Variants in VAT1L observed in about 807,000 individuals in gnomAD.
VAT1L encodes the protein putative NADPH-dependent quinone oxidoreductase VAT1L.
Under a neutral mutation model 44.1 loss-of-function variants are expected in VAT1L, and 34 were observed. The ratio of observed to expected loss-of-function variants is 0.77; its 90% CI spans 0.59 to 1.03. The LOEUF is 1.03. Ranked by LOEUF, VAT1L falls within the 50% of genes least tolerant of loss-of-function variation. VAT1L has a pLI of 0.00. For synonymous variants in VAT1L, 253 were observed against 202.2 expected (o/e 1.25, Z -2.13); for missense variants, 615 against 538.8 (o/e 1.14, Z -1.40).
chr16:77,962,763 G>C (rs1019764482), intron 7 of VAT1L, among the ~76,000 whole-genome samples: 1 of 151,424 alleles, frequency 6.6e-6, no homozygotes, highest in Non-Finnish European at 1.5e-5. Context: ...AAGGAAGGAA[G>C]GAAGGAAGGA....
rs1567494279 is a variant in VAT1L, at chr16:77,874,227, G to A, written c.723-2143G>A. Among the ~76,000 whole-genome samples, 3 of 152,156 alleles carry A rather than the reference G, an allele frequency of 2.0e-5. No homozygotes were observed. In the East Asian group the frequency reaches 5.8e-4, roughly 29 times the overall value. On this transcript the variant is annotated intron_variant, in intron 4 of 8. Transcript: ENST00000302536. ...TCCTGCAGGCAAGGGGAGAGGTCTT[G>A]GAGAAATGCAGTTCACTGAGATGAC...
intron 7 of VAT1L, among the ~76,000 whole-genome samples, chr16:77,905,730 G>A (rs913929748): frequency 6.6e-6 from 1 of 152,094 alleles, no homozygotes; most frequent in South Asian, 2.1e-4. Flanking sequence ...ATGACTCACT[G>A]TCTCTGACTT....
At chr16:77,945,125 C>G (rs988015735) in intron 7 of VAT1L, among the ~76,000 whole-genome samples, 6 of 152,122 alleles carry the variant, frequency 3.9e-5, no homozygotes, top group Non-Finnish European at 8.8e-5. Context: ...TCAGAACCAT[C>G]CAGAAGCTAT....
chr16:77,868,236 G>A (rs941711394), intron 4 of VAT1L, among the ~76,000 whole-genome samples: 3 of 152,198 alleles, frequency 2.0e-5, no homozygotes, highest in East Asian at 3.9e-4. Context: ...ATACTGTACT[G>A]AAAGTGAGAA....
intron 7 of VAT1L, among the ~76,000 whole-genome samples, chr16:77,889,451 C>G (rs2017241122): frequency 6.6e-6 from 1 of 152,070 alleles, no homozygotes; most frequent in African/African-American, 2.4e-5. Flanking sequence ...ATTTTTCAAC[C>G]AAGCAGCAGT....
chr16:77,887,870 C>T (rs570575362), intron 7 of VAT1L, among the ~76,000 whole-genome samples: 1 of 152,262 alleles, frequency 6.6e-6, no homozygotes, highest in African/African-American at 2.4e-5. Context: ...CCATGGCTTC[C>T]TGCTATACCT....
chr16:77,975,570 A>G (rs1461232552), intron 8 of VAT1L, among the ~76,000 whole-genome samples: 2 of 152,100 alleles, frequency 1.3e-5, no homozygotes, highest in African/African-American at 4.8e-5. Context: ...GCTGCAGGAC[A>G]CACACTGCTC....
chr16:77,957,473 T>C (rs1398190804), intron 7 of VAT1L, among the ~76,000 whole-genome samples: 1 of 152,130 alleles, frequency 6.6e-6, no homozygotes, highest in Non-Finnish European at 1.5e-5. Context: ...ACGCCTATAA[T>C]CCCAGCACTT....
At chr16:77,871,227 C>T (rs2017029109) in intron 4 of VAT1L, among the ~76,000 whole-genome samples, 1 of 152,106 alleles carries the variant, frequency 6.6e-6, no homozygotes, top group South Asian at 2.1e-4. Context: ...CCTCCCCTAC[C>T]TCCTCCCACC....
chr16:77,868,254 A>C (rs1273190651), intron 4 of VAT1L, among the ~76,000 whole-genome samples: 1 of 152,212 alleles, frequency 6.6e-6, no homozygotes, highest in East Asian at 1.9e-4. Flanking sequence ...GAAACTGAAC[A>C]GTTGTATGGG....
At chr16:77,856,668 T>TA (rs1223231647) in intron 3 of VAT1L, among the ~76,000 whole-genome samples, 2 of 152,184 alleles carry the variant, frequency 1.3e-5, no homozygotes, top group African/African-American at 4.8e-5. Flanking sequence ...GTGCTCTGAT[T>TA]AAGGAGACTC....
At chr16:77,850,635 T>C (rs2016799387) in intron 3 of VAT1L, among the ~76,000 whole-genome samples, 1 of 150,812 alleles carries the variant, frequency 6.6e-6, no homozygotes, top group Non-Finnish European at 1.5e-5. Flanking sequence ...TTTGAGTCGT[T>C]TGGTTTTTTG....
intron 7 of VAT1L, among the ~76,000 whole-genome samples, chr16:77,970,611 C>T (rs1383887676): frequency 6.6e-6 from 1 of 152,150 alleles, no homozygotes; most frequent in Non-Finnish European, 1.5e-5. Flanking sequence ...TAATCATCCC[C>T]TTATCTCTGG....
intron 1 of VAT1L, among the ~76,000 whole-genome samples, chr16:77,808,025 G>A (rs1254379420): frequency 6.6e-6 from 1 of 151,974 alleles, no homozygotes; most frequent in African/African-American, 2.4e-5. Context: ...CTCCAGAACA[G>A]GGCTCCCTGG....
chr16:77,853,467 C>T (rs887566337), intron 3 of VAT1L, among the ~76,000 whole-genome samples: 2 of 152,210 alleles, frequency 1.3e-5, no homozygotes, highest in Non-Finnish European at 2.9e-5. Flanking sequence ...AGTCAGGCCA[C>T]ATCCAGGTTT....
chr16:77,932,355 T>C (rs888987590), intron 7 of VAT1L, among the ~76,000 whole-genome samples: 1 of 152,098 alleles, frequency 6.6e-6, no homozygotes, highest in Admixed American at 6.6e-5. Context: ...TCCTCCCGCC[T>C]TGGCCTCCAA....
In VAT1L at chr16:77,881,053, G is replaced by T. The variant is rs1419338608; in HGVS notation, c.882+1829G>T. Among the ~76,000 whole-genome samples, 12 of 152,322 alleles carry T rather than the reference G, an allele frequency of 7.9e-5. No individual in the cohort carries two copies. In the South Asian group the frequency reaches 2.5e-3, roughly 32 times the overall value. Reference sequence around the variant, plus strand: ...TTGCTATTGTGAATAGAATGGCAATGAACATACGGGTGCATGTGTCCTTTT... The same window carrying T: ...TTGCTATTGTGAATAGAATGGCAATTAACATACGGGTGCATGTGTCCTTTT... On this transcript the variant is annotated intron_variant, in intron 6 of 8. Coordinates refer to ENST00000302536, the MANE Select transcript of VAT1L (RefSeq NM_020927.3).
At position 77,977,956 on chromosome 16, in the gene VAT1L, T is replaced by G. The variant is rs2018359327; in HGVS notation, c.*261T>G. ...TCAAAACCATCCATCTGTGGGTTCT[T>G]CTTGACAGTTCTAGAACAGCCTTGC... is the stretch of plus-strand genomic sequence containing the variant. On this transcript the variant is annotated 3_prime_UTR_variant, in exon 9 of 9. Coordinates refer to ENST00000302536, the MANE Select transcript of VAT1L (RefSeq NM_020927.3). The G allele has an allele frequency of 2.5e-6, 1 of 406,686 alleles. No homozygotes were observed. Among genetic ancestry groups the G allele is most frequent in the African/African-American group, 2.0e-5 (1 of 48,798 alleles). 25.2% of individuals were successfully genotyped at this position (406,686 alleles called of 1,614,324 possible). A position where few individuals can be genotyped will look rare whatever the true frequency, so the allele number is the denominator to read the frequency against.
chr16:77,975,728 C>A (rs2018332853), intron 8 of VAT1L, among the ~76,000 whole-genome samples: 1 of 152,174 alleles, frequency 6.6e-6, no homozygotes, highest in African/African-American at 2.4e-5. Context: ...GAGGCTGGAC[C>A]AAAGCAAAGT....
Sources: gnomAD v4.1 joint callset for allele counts (sites outside exome capture counted in the v4.1 genomes callset) on GRCh38, gnomAD v4.1.1 for gene constraint, MANE v1.5 for transcripts, NCBI Gene and HGNC (gene_info 2026-07-23, HGNC 2026-07-21) for gene names.